RANBP2: variants seen among roughly 807,000 people sequenced by gnomAD.
RANBP2 encodes RAN binding protein 2, also known as E3 SUMO-protein ligase RanBP2.
In RANBP2, 57 loss-of-function variants were observed where a neutral mutation model predicts 303.6. The ratio of observed to expected loss-of-function variants is 0.19; its 90% CI spans 0.15 to 0.23. RANBP2 has a LOEUF of 0.23. RANBP2 is among the 10% of genes least tolerant of loss of function. RANBP2 has a pLI of 1.00. For synonymous variants in RANBP2, 1,167 were observed against 1,301.5 expected (o/e 0.90, Z 2.23); for missense variants, 3,138 against 3,780.8 (o/e 0.83, Z 4.46).
At chr2:109,083,486 G>A in the RANBP2 span, among the ~76,000 whole-genome samples, 1 of 152,150 alleles carries the variant, frequency 6.6e-6, no homozygotes, top group Non-Finnish European at 1.5e-5. Context: ...TTCTTTTTAA[G>A]ACTGAATCAT....
the RANBP2 span, among the ~76,000 whole-genome samples, chr2:109,095,930 A>C: frequency 8.5e-5 from 13 of 152,212 alleles, no homozygotes; most frequent in Admixed American, 8.5e-4. Context: ...ATGGCAGGGA[A>C]AAACGGGAGG....
chr2:109,552,529 GGAGT>G, the RANBP2 span: 13 of 152,454 alleles, frequency 8.5e-5, no homozygotes, highest in African/African-American at 3.1e-4. Context: ...CTCAGTCAAA[GGAGT>G]GAGATGACAA....
the RANBP2 span, among the ~76,000 whole-genome samples, chr2:108,894,167 TAAGAC>T: frequency 4.9e-3 from 751 of 152,322 alleles, 5 homozygotes; most frequent in Non-Finnish European, 8.9e-3. Flanking sequence ...CATTGAATTT[TAAGAC>T]AAGACAGTTT....
chr2:108,943,466 T>C, the RANBP2 span, among the ~76,000 whole-genome samples: 1 of 152,230 alleles, frequency 6.6e-6, no homozygotes, highest in African/African-American at 2.4e-5. Context: ...CCTGTGCCTT[T>C]TTTCCAAGGT....
At chr2:109,648,956 G>A in the RANBP2 span, among the ~76,000 whole-genome samples, 15 of 152,138 alleles carry the variant, frequency 9.9e-5, no homozygotes, top group African/African-American at 3.4e-4. Context: ...GCTGTGCGGA[G>A]GATGGACTGG....
the RANBP2 span, among the ~76,000 whole-genome samples, chr2:109,707,338 G>A: frequency 6.6e-6 from 1 of 152,076 alleles, no homozygotes; most frequent in Non-Finnish European, 1.5e-5. Context: ...TCTGTGACTG[G>A]CATCTGCTTC....
chr2:109,018,049 A>T, the RANBP2 span, among the ~76,000 whole-genome samples: 5 of 152,224 alleles, frequency 3.3e-5, no homozygotes, highest in Admixed American at 6.5e-5. Flanking sequence ...GGCAGTAATG[A>T]TGCCTGCTCA....
the RANBP2 span, chr2:109,564,472 C>A: frequency 6.3e-7 from 1 of 1,588,296 alleles, no homozygotes; most frequent in Non-Finnish European, 8.6e-7. Context: ...CGCAGGTCCT[C>A]CATATTTGTA....
the RANBP2 span, among the ~76,000 whole-genome samples, chr2:109,246,872 C>T: frequency 1.3e-5 from 2 of 152,136 alleles, no homozygotes; most frequent in Non-Finnish European, 2.9e-5. Context: ...TCCTTCCATT[C>T]GGTGGCACAG....
the RANBP2 span, among the ~76,000 whole-genome samples, chr2:108,904,878 G>A: frequency 1.3e-5 from 2 of 152,180 alleles, no homozygotes; most frequent in Admixed American, 6.5e-5. Flanking sequence ...TATGGGAGCT[G>A]AGTCGATATC....
At chr2:109,320,760 G>C in the RANBP2 span, among the ~76,000 whole-genome samples, 1 of 152,202 alleles carries the variant, frequency 6.6e-6, no homozygotes, top group Non-Finnish European at 1.5e-5. Context: ...TGAACTTTCT[G>C]CTGGGAGAAA....
At chr2:109,024,647 G>A in the RANBP2 span, among the ~76,000 whole-genome samples, 10 of 152,178 alleles carry the variant, frequency 6.6e-5, no homozygotes, top group African/African-American at 2.4e-4. Flanking sequence ...GCACCTCAGG[G>A]TGTCCACTTC....
chr2:109,031,052 C>G, the RANBP2 span, among the ~76,000 whole-genome samples: 1 of 152,176 alleles, frequency 6.6e-6, no homozygotes, highest in African/African-American at 2.4e-5. Flanking sequence ...ACGGAGCGCT[C>G]CACGAGGGGA....
the RANBP2 span, among the ~76,000 whole-genome samples, chr2:109,315,034 A>G: frequency 3.6e-3 from 541 of 152,350 alleles, 6 homozygotes; most frequent in African/African-American, 0.012. Flanking sequence ...CACTCAGTGA[A>G]CAGCGACCAC....
chr2:109,314,577 T>C, the RANBP2 span, among the ~76,000 whole-genome samples: 1 of 152,242 alleles, frequency 6.6e-6, no homozygotes, highest in Admixed American at 6.5e-5. Context: ...TGCCACTTCA[T>C]AAATAGTGTC....
At chr2:109,393,142 C>T in the RANBP2 span, among the ~76,000 whole-genome samples, 5 of 152,202 alleles carry the variant, frequency 3.3e-5, no homozygotes, top group African/African-American at 1.2e-4. Flanking sequence ...TTCATCTGCT[C>T]CTGAGTTTTT....
chr2:108,873,559 G>C, the RANBP2 span: 7 of 1,609,194 alleles, frequency 4.3e-6, no homozygotes, highest in East Asian at 1.6e-4. Context: ...GAAAAACTCA[G>C]TATTATTTTA....
intron 6 of RANBP2, among the ~76,000 whole-genome samples, chr2:108,739,499 C>T (rs942131575): frequency 3.3e-5 from 5 of 152,012 alleles, no homozygotes; most frequent in Non-Finnish European, 7.4e-5. Flanking sequence ...GTAATTTTAA[C>T]TTCATGGATC....
At chr2:108,907,646 C>T in the RANBP2 span, among the ~76,000 whole-genome samples, 1 of 32,062 alleles carries the variant, frequency 3.1e-5, no homozygotes, top group African/African-American at 1.2e-4. Context: ...AGACTCTCAT[C>T]TCCAAAAAAA....
Sources: allele counts gnomAD v4.1 joint callset (sites outside exome capture counted in the v4.1 genomes callset), GRCh38; gene constraint gnomAD v4.1.1; transcripts MANE v1.5; gene names NCBI Gene and HGNC (gene_info 2026-07-23, HGNC 2026-07-21).